MRPS33: variants seen among roughly 807,000 people sequenced by gnomAD.
The protein encoded by MRPS33 is small ribosomal subunit protein mS33.
MRPS33 carries 11 observed loss-of-function variants against 11.2 expected under a neutral mutation model. That is an observed-to-expected ratio of 0.99 (90% confidence interval 0.62 to 1.63). The LOEUF (loss-of-function observed/expected upper bound fraction) is 1.63, where lower values mean the gene tolerates loss of function less well. Among genes scored for constraint, MRPS33 ranks in the 40% most tolerant of loss-of-function variants. The pLI, the probability that MRPS33 is intolerant of heterozygous loss-of-function variation, is 0.00. For synonymous variants in MRPS33, 46 were observed against 44.0 expected, an observed-to-expected ratio of 1.05 and a Z score of -0.18; for missense variants, 109 against 127.8, an observed-to-expected ratio of 0.85 and a Z score of 0.71.
At position 141,006,231 on chromosome 7, in the gene MRPS33, G is replaced by A. The variant is rs9274; in HGVS notation, c.*199C>T. ...CCTCACATTACACGGCCAAGGCCAA[G>A]ATAATTTTGCACAGTTAGAATGTGT... is the stretch of plus-strand genomic sequence containing the variant. On this transcript the variant is annotated 3_prime_UTR_variant, in exon 3 of 3. Coordinates refer to ENST00000324787, the MANE Select transcript of MRPS33 (RefSeq NM_053035.3). 0.11 allele frequency: 62,345 copies of A among 582,706 alleles called. 3,816 individuals are homozygous for A. The highest frequency in any genetic ancestry group is 0.19 in the African/African-American group (10,050 of 53,474). The allele number at this position is 582,706 out of a possible 1,614,324, so 36.1% of individuals were successfully genotyped here. A position where few individuals can be genotyped will look rare whatever the true frequency, so the allele number is the denominator to read the frequency against.
At position 141,006,482 on chromosome 7, in the gene MRPS33, C is replaced by T; in HGVS notation, c.269G>A (p.Gly90Glu). Residue 90 changes from glycine (G) to glutamate (E), a missense_variant, in exon 3 of 3, where the codon GGA (glycine) becomes GAA (glutamate). Transcript: ENST00000324787. The part of the protein sequence containing the change: ...DEQKRLKKLR[G>E]KEKPKKGEGK... ...TTCTCCTTTCTTTGGTTTCTCCTTT[C>T]CACGAAGCTTCTTTAGTCGTTTTTG... 7 of 1,614,048 alleles carry T rather than the reference C, an allele frequency of 4.3e-6. No individual in the cohort carries two copies. The South Asian group carries it at 6.6e-5, about 15-fold the overall frequency.
In MRPS33 at chr7:141,003,809, G is replaced by A. The variant is rs38728; in HGVS notation, c.*2621C>T. ...TTTCTCAGCTCAACATCCTGGGGTA[G>A]TCATCCACCTACACCTGGCTCAGCT... On this transcript the variant is annotated 3_prime_UTR_variant, in exon 3 of 3. Coordinates refer to ENST00000324787, the MANE Select transcript of MRPS33 (RefSeq NM_053035.3). The A allele has an allele frequency of 0.87, 131,809 of 152,306 alleles. 57,129 individuals carry two copies. Among genetic ancestry groups the A allele is most frequent in the East Asian group, 0.99 (5,159 of 5,190 alleles). 9.4% of individuals were successfully genotyped at this position (152,306 alleles called of 1,614,324 possible).
intron 2 of MRPS33, 67 bp downstream of exon 2, chr7:141,010,352 A>AT: frequency 6.6e-7 from 1 of 1,504,586 alleles, no homozygotes; most frequent in Non-Finnish European, 9.1e-7. Context: ...AGAAAGGCTA[A>AT]TTTTTTTCCT....
intron 1 of MRPS33, among the ~76,000 whole-genome samples, chr7:141,011,010 CATT>C (rs1820662698): frequency 1.3e-5 from 2 of 152,208 alleles, no homozygotes; most frequent in South Asian, 4.1e-4. Flanking sequence ...AATCCAGCAT[CATT>C]ATACCTTCAG....
chr7:141,009,173 C>T (rs1820610718), intron 2 of MRPS33, among the ~76,000 whole-genome samples: 1 of 150,076 alleles, frequency 6.7e-6, no homozygotes, highest in South Asian at 2.1e-4. Flanking sequence ...GCTTTGTCAC[C>T]CAGGCTGGAG....
At chr7:141,011,696 T>G (rs1404206009) in intron 1 of MRPS33, among the ~76,000 whole-genome samples, 2 of 152,048 alleles carry the variant, frequency 1.3e-5, no homozygotes, top group African/African-American at 4.8e-5. Context: ...GTGCTGATAT[T>G]CAAGCAGGAA....
At chr7:141,012,173 C>CAAAAAAAAA (rs56343833) in intron 1 of MRPS33, among the ~76,000 whole-genome samples, 32,321 of 58,088 alleles carry the variant, frequency 0.56, 12,010 homozygotes, top group East Asian at 0.67. Context: ...GATTGTGTGT[C>CAAAAAAAAA]AAAAAAAAAA....
Position 141,006,107 on chromosome 7 carries a change from T to G in MRPS33, c.*323A>C. On this transcript the variant is annotated 3_prime_UTR_variant, in exon 3 of 3. Transcript: ENST00000324787. Reference sequence around the variant, plus strand: ...ATGAGGACACTATAGGATGCTCACTTAATGAGGTTTCCCCTCCATTCCCCC... The same window carrying G: ...ATGAGGACACTATAGGATGCTCACTGAATGAGGTTTCCCCTCCATTCCCCC... 2 of 328,526 alleles carry G rather than the reference T, an allele frequency of 6.1e-6. No homozygotes were observed. Among genetic ancestry groups the G allele is most frequent in the Non-Finnish European group, 1.1e-5 (2 of 175,834 alleles). 20.4% of individuals were successfully genotyped at this position (328,526 alleles called of 1,614,324 possible).
intron 2 of MRPS33, among the ~76,000 whole-genome samples, chr7:141,006,855 A>G (rs1039271351): frequency 3.3e-5 from 5 of 152,214 alleles, no homozygotes; most frequent in African/African-American, 1.2e-4. Context: ...TCCCTGCAAC[A>G]CTAAGACTAA....
chr7:141,010,483 A>G lies in MRPS33; in HGVS notation c.151T>C (p.Trp51Arg), dbSNP rs1330710528. Residue 51 changes from tryptophan to arginine, a missense_variant, in exon 2 of 3, where the codon TGG (tryptophan) becomes CGG (arginine). Physicochemically the swap from Trp to Arg is moderately radical, Grantham distance 101. Transcript: ENST00000324787. ...PLAKKKETYDWYPNHHTYAEL... is the reference protein window; with the variant it reads ...PLAKKKETYDRYPNHHTYAEL... ...GCGTAAGTGTGGTGATTTGGATACC[A>G]ATCATAAGTCTCCTTCTTCTTGGCC... is the stretch of plus-strand genomic sequence containing the variant. The G allele has an allele frequency of 1.9e-6, 3 of 1,614,118 alleles. No homozygotes were observed. The highest frequency in any genetic ancestry group is 2.5e-6 in the Non-Finnish European group (3 of 1,180,054).
intron 2 of MRPS33, among the ~76,000 whole-genome samples, chr7:141,007,359 G>A (rs1349693208): frequency 1.3e-5 from 2 of 152,144 alleles, no homozygotes; most frequent in African/African-American, 2.4e-5. Context: ...ATGTAAGAGA[G>A]GGGTGTGCTG....
At position 141,012,833 on chromosome 7, in the gene MRPS33, C is replaced by T. The variant is rs181669578; in HGVS notation, c.-28+2078G>A. Among the ~76,000 whole-genome samples, 3 of 152,282 alleles carry T rather than the reference C, an allele frequency of 2.0e-5. No homozygotes were observed. The East Asian group carries it at 5.8e-4, about 29-fold the overall frequency. ...AGGGATTCCTGAGGCCTAGGTTTGACTACTGGCTCTGTCACTTAATCCTTG... is the reference window on the plus strand; with the variant it reads ...AGGGATTCCTGAGGCCTAGGTTTGATTACTGGCTCTGTCACTTAATCCTTG... On this transcript the variant is annotated intron_variant, in intron 1 of 2. Coordinates refer to ENST00000324787, the MANE Select transcript of MRPS33 (RefSeq NM_053035.3).
chr7:141,012,173 CAAAAAAAA>C (rs56343833), intron 1 of MRPS33, among the ~76,000 whole-genome samples: 4 of 58,782 alleles, frequency 6.8e-5, no homozygotes, highest in Non-Finnish European at 1.1e-4. Context: ...GATTGTGTGT[CAAAAAAAA>C]AAAAAAAAAA....
rs56343833 is a variant in MRPS33, at chr7:141,012,173, C to CAAAAAAAAAAAAAAAA, written c.-27-1529_-27-1514dup. Among the ~76,000 whole-genome samples, 45 of 58,772 alleles carry CAAAAAAAAAAAAAAAA rather than the reference C, an allele frequency of 7.7e-4. 14 individuals carry two copies. The highest frequency in any genetic ancestry group is 2.9e-3 in the African/African-American group (36 of 12,480). 38.6% of individuals were successfully genotyped at this position (58,772 alleles called of 152,430 possible). ...TGAGTGACAGAGCAAGATTGTGTGT[C>CAAAAAAAAAAAAAAAA]AAAAAAAAAAAAAAAAAAAAAGCAG... On this transcript the variant is annotated intron_variant, in intron 1 of 2. Transcript: ENST00000324787.
chr7:141,010,306 A>T, intron 2 of MRPS33, 113 bp downstream of exon 2: 1 of 970,314 alleles, frequency 1.0e-6, no homozygotes, highest in Non-Finnish European at 1.5e-6. Flanking sequence ...CTTTTGAACT[A>T]CCTGGGCTCT....
intron 1 of MRPS33, among the ~76,000 whole-genome samples, chr7:141,012,571 G>A (rs1347288360): frequency 6.6e-6 from 1 of 152,076 alleles, no homozygotes; most frequent in Non-Finnish European, 1.5e-5. Flanking sequence ...CTCTTCCTTT[G>A]CCCTTTAAAG....
At position 141,004,086 on chromosome 7, in the gene MRPS33, G is replaced by A. The variant is rs576811040; in HGVS notation, c.*2344C>T. On this transcript the variant is annotated 3_prime_UTR_variant, in exon 3 of 3. Transcript: ENST00000324787. Reference sequence around the variant, plus strand: ...GAGTCTGAGGTGGGTGGATCAGGAGGTCAAGAGGTTGAGACCATCCTGGCT... The same window carrying A: ...GAGTCTGAGGTGGGTGGATCAGGAGATCAAGAGGTTGAGACCATCCTGGCT... The A allele has an allele frequency of 1.3e-5, 2 of 152,360 alleles. No individual in the cohort carries two copies. Among genetic ancestry groups the A allele is most frequent in the Admixed American group, 6.5e-5 (1 of 15,308 alleles). 9.4% of individuals were successfully genotyped at this position (152,360 alleles called of 1,614,324 possible).
At chr7:141,008,951 C>T (rs187034528) in intron 2 of MRPS33, among the ~76,000 whole-genome samples, 107 of 151,928 alleles carry the variant, frequency 7.0e-4, no homozygotes, top group African/African-American at 2.0e-3. Context: ...TGTGCTACCA[C>T]ACCCAGCTAA....
rs1483520276 is a variant in MRPS33, at chr7:141,005,537, A to G, written c.*893T>C. On this transcript the variant is annotated 3_prime_UTR_variant, in exon 3 of 3. Coordinates refer to ENST00000324787, the MANE Select transcript of MRPS33 (RefSeq NM_053035.3). ...CCCAGCTAATTTTTGCATTTTTAGT[A>G]GGTGGGGTTTCACCATGTTGGCCAA... 6.6e-6 allele frequency: 1 copy of G among 152,082 alleles called. No individual in the cohort carries two copies. The highest frequency in any genetic ancestry group is 2.4e-5 in the African/African-American group (1 of 41,384). 9.4% of individuals were successfully genotyped at this position (152,082 alleles called of 1,614,324 possible).
Sources: allele counts gnomAD v4.1 joint callset (sites outside exome capture counted in the v4.1 genomes callset), GRCh38; gene constraint gnomAD v4.1.1; transcripts MANE v1.5; gene names NCBI Gene and HGNC (gene_info 2026-07-23, HGNC 2026-07-21).